BRDT: variants seen among roughly 807,000 people sequenced by gnomAD.
The protein encoded by BRDT is bromodomain testis associated.
A neutral mutation model predicts 113.9 loss-of-function variants in BRDT; 77 were observed. That is an observed-to-expected ratio of 0.68 (90% CI 0.56 to 0.82). The LOEUF is 0.82. Among genes scored for constraint, BRDT ranks in the 40% least tolerant of loss-of-function variants. BRDT has a pLI of 0.00. For synonymous variants in BRDT, 358 were observed against 366.5 expected, an observed-to-expected ratio of 0.98 and a Z score of 0.26; for missense variants, 1,027 against 1,105.4, an observed-to-expected ratio of 0.93 and a Z score of 1.01.
intron 3 of BRDT, among the ~76,000 whole-genome samples, chr1:91,967,556 GC>G (rs1683200220): frequency 6.6e-6 from 1 of 152,068 alleles, no homozygotes; most frequent in African/African-American, 2.4e-5. Context: ...GCACCACCAC[GC>G]CTGGCTAATT....
intron 4 of BRDT, among the ~76,000 whole-genome samples, chr1:91,973,461 G>A (rs1349311599): frequency 6.6e-6 from 1 of 152,082 alleles, no homozygotes; most frequent in African/African-American, 2.4e-5. Flanking sequence ...ATTTCGTTGA[G>A]CAGTGGTTTG....
At chr1:91,977,779 G>A (rs1285265467) in intron 6 of BRDT, among the ~76,000 whole-genome samples, 4 of 151,840 alleles carry the variant, frequency 2.6e-5, no homozygotes, top group Admixed American at 1.3e-4. Context: ...TGAGTCACGA[G>A]AATCACTTGA....
At position 91,981,368 on chromosome 1, in the gene BRDT, A is replaced by T. The variant is rs773964326; in HGVS notation, c.1851A>T (p.Lys617Asn). The T allele has an allele frequency of 3.1e-6, 5 of 1,612,954 alleles. No homozygotes were observed. The South Asian group carries it at 5.5e-5, about 18-fold the overall frequency. Residue 617 changes from lysine (K) to asparagine (N), a missense_variant, in exon 11 of 19, where the codon AAA becomes AAT. Physicochemically the swap from Lys to Asn is moderately conservative, Grantham distance 94. Coordinates refer to ENST00000399546, the MANE Select transcript of BRDT (RefSeq NM_207189.4). The stretch of plus-strand genomic sequence containing the variant: ...TTAATAATCAGTTAAATTCTAGAAA[A>T]CGTCAAACAAAATGTAGGTGGCAGT... ...LDVNNQLNSRKRQTKSDKTQP... is the reference protein window; with the variant it reads ...LDVNNQLNSRNRQTKSDKTQP...
chr1:92,003,869 C>T (rs1687063235), intron 16 of BRDT, among the ~76,000 whole-genome samples: 1 of 152,122 alleles, frequency 6.6e-6, no homozygotes, highest in East Asian at 1.9e-4. Context: ...CATTAAATTA[C>T]ATATATTTCT....
Position 91,976,431 on chromosome 1 carries a change from C to T in BRDT, c.611C>T (p.Ala204Val), listed in dbSNP as rs148311319. 9.0e-6 allele frequency: 14 copies of T among 1,548,448 alleles called. No individual in the cohort carries two copies. Among genetic ancestry groups the T allele is most frequent in the Admixed American group, 2.1e-5 (1 of 47,332 alleles). The change falls in exon 5 of 19, where the codon GCG (alanine) becomes GTG (valine). Residue 204 changes from alanine to valine, a missense_variant. Coordinates refer to ENST00000399546, the MANE Select transcript of BRDT (RefSeq NM_207189.4). The stretch of plus-strand genomic sequence containing the variant: ...TCAGTCAACTCCAGTTCACAAACTG[C>T]GGCCCAAGTAAGTTTGTTGTAGTTT... The part of the protein sequence containing the change: ...GASVNSSSQT[A>V]AQVTKGVKRK...
In BRDT at chr1:91,968,345, G is replaced by A. The variant is rs921189298; in HGVS notation, c.445+85G>A. Reference sequence around the variant, plus strand: ...GTGTGTGTGTAAATCCCTCAAAGGAGACAGACATCCAGAAGTCCTACATCC... The same window carrying A: ...GTGTGTGTGTAAATCCCTCAAAGGAAACAGACATCCAGAAGTCCTACATCC... On this transcript the variant is annotated intron_variant, in intron 4 of 18. Coordinates refer to ENST00000399546, the MANE Select transcript of BRDT (RefSeq NM_207189.4). The A allele has an allele frequency of 7.3e-6, 11 of 1,505,620 alleles. No homozygotes were observed. The African/African-American group carries it at 1.5e-4, about 21-fold the overall frequency. 93.3% of individuals were successfully genotyped at this position (1,505,620 alleles called of 1,614,324 possible).
chr1:92,007,623 A>C (rs1487175034), intron 18 of BRDT, among the ~76,000 whole-genome samples: 1 of 152,178 alleles, frequency 6.6e-6, no homozygotes, highest in East Asian at 1.9e-4. Flanking sequence ...TCATTGACAT[A>C]GTCAGTAACT....
intron 4 of BRDT, among the ~76,000 whole-genome samples, chr1:91,972,006 CTTTTT>C (rs1002745728): frequency 1.4e-5 from 2 of 145,008 alleles, no homozygotes; most frequent in Non-Finnish European, 3.0e-5. Flanking sequence ...GCTATTGTTC[CTTTTT>C]TTTTTTTCTT....
At chr1:91,962,583 C>T in intron 1 of BRDT, 135 bp from the exon 2 acceptor site, 1 of 435,640 alleles carries the variant, frequency 2.3e-6, no homozygotes, top group Non-Finnish European at 4.0e-6. Flanking sequence ...ATCCACCCGC[C>T]TTGGCCTCCC....
At chr1:91,968,735 A>G (rs1454205499) in intron 4 of BRDT, among the ~76,000 whole-genome samples, 4 of 152,186 alleles carry the variant, frequency 2.6e-5, no homozygotes, top group Non-Finnish European at 4.4e-5. Flanking sequence ...ACTAATAATC[A>G]TATCATTTAA....
At chr1:91,988,926 A>C (rs980543923) in intron 12 of BRDT, among the ~76,000 whole-genome samples, 3 of 152,208 alleles carry the variant, frequency 2.0e-5, no homozygotes, top group African/African-American at 7.2e-5. Context: ...TATGAGACAT[A>C]TATAGTAGGT....
intron 8 of BRDT, 110 bp from the exon 9 acceptor site, chr1:91,980,533 G>T (rs1215659394): frequency 4.3e-6 from 4 of 940,976 alleles, no homozygotes; most frequent in Non-Finnish European, 4.4e-6. Flanking sequence ...AATGTAATAA[G>T]AAATGAATTT....
chr1:91,958,507 C>T (rs919366933), intron 1 of BRDT, among the ~76,000 whole-genome samples: 7 of 152,174 alleles, frequency 4.6e-5, no homozygotes, highest in Admixed American at 6.5e-5. Flanking sequence ...TGAGCCACCA[C>T]GCCCAGCCGA....
chr1:92,002,540 T>C (rs540730617), intron 16 of BRDT, among the ~76,000 whole-genome samples: 4 of 152,266 alleles, frequency 2.6e-5, no homozygotes, highest in African/African-American at 9.6e-5. Flanking sequence ...ATTTTTTGTA[T>C]TTTTATTGGA....
intron 18 of BRDT, among the ~76,000 whole-genome samples, chr1:92,007,518 T>G (rs968937103): frequency 3.9e-5 from 6 of 152,226 alleles, no homozygotes; most frequent in Non-Finnish European, 8.8e-5. Context: ...ATTTGTTTGC[T>G]GAGGATAATA....
At position 91,981,041 on chromosome 1, in the gene BRDT, A is replaced by G; in HGVS notation, c.1613A>G (p.Gln538Arg). 3 of 1,614,136 alleles carry G rather than the reference A, an allele frequency of 1.9e-6. No individual in the cohort carries two copies. Among genetic ancestry groups the G allele is most frequent in the Non-Finnish European group, 2.5e-6 (3 of 1,180,008 alleles). The change falls in exon 10 of 19, where the codon CAA becomes CGA. Residue 538 changes from glutamine to arginine, a missense_variant. By Grantham distance (43) the Gln-to-Arg change is conservative (BLOSUM62 1). Coordinates refer to ENST00000399546, the MANE Select transcript of BRDT (RefSeq NM_207189.4). Reference protein sequence around the residue: ...DKLGRVVHIIQSREPSLSNSN... With the variant: ...DKLGRVVHIIRSREPSLSNSN... Reference sequence around the variant, plus strand: ...CTTGGGCGAGTAGTTCACATAATACAATCAAGAGAGCCTTCTCTGAGCAAT... The same window carrying G: ...CTTGGGCGAGTAGTTCACATAATACGATCAAGAGAGCCTTCTCTGAGCAAT...
chr1:91,968,116 T>A (rs1383514561), intron 3 of BRDT, 30 bp from the exon 4 acceptor site: 2 of 1,609,372 alleles, frequency 1.2e-6, no homozygotes, highest in Admixed American at 3.4e-5. Flanking sequence ...ATACTGTATA[T>A]CCTTATGGTA....
intron 12 of BRDT, among the ~76,000 whole-genome samples, chr1:91,983,205 T>C (rs1557839587): frequency 6.6e-6 from 1 of 151,894 alleles, no homozygotes; most frequent in Non-Finnish European, 1.5e-5. Context: ...AATAGTGCAA[T>C]ATATACTCTC....
Position 91,980,905 on chromosome 1 carries a change from AAAC to A in BRDT, c.1482_1484del (p.Gln495del), listed in dbSNP as rs746089179. ...TTGTTACAGTCAGCCAAAGAAAAGG[AAAC>A]AACAGTTCATTGGTCTAAAATCTGA... On this transcript the variant is annotated inframe_deletion, in exon 10 of 19. Transcript: ENST00000399546. The A allele has an allele frequency of 4.5e-5, 72 of 1,605,944 alleles. No homozygotes were observed. The African/African-American group carries it at 8.7e-4, about 19-fold the overall frequency.
Sources: allele counts gnomAD v4.1 joint callset (sites outside exome capture counted in the v4.1 genomes callset), GRCh38; gene constraint gnomAD v4.1.1; transcripts MANE v1.5; gene names NCBI Gene and HGNC (gene_info 2026-07-23, HGNC 2026-07-21).